KLHL2: variants seen among roughly 807,000 people sequenced by gnomAD.
KLHL2 encodes the protein kelch like family member 2.
In KLHL2, 15 loss-of-function variants were observed where a neutral mutation model predicts 75.8. The ratio of observed to expected loss-of-function variants is 0.20; its 90% CI spans 0.13 to 0.30. The LOEUF is 0.30. Among genes scored for constraint, KLHL2 ranks in the 10% least tolerant of loss-of-function variants. The pLI is 1.00. For synonymous variants in KLHL2, 214 were observed against 251.9 expected (o/e 0.85, Z 1.42); for missense variants, 381 against 741.0 (o/e 0.51, Z 5.64).
intron 7 of KLHL2, among the ~76,000 whole-genome samples, 186 bp downstream of exon 7, chr4:165,297,911 C>T (rs1745037769): frequency 6.6e-6 from 1 of 152,184 alleles, no homozygotes; most frequent in African/African-American, 2.4e-5. Flanking sequence ...GCAACCTCCA[C>T]CTCCCGGGCT....
At chr4:165,234,411 AT>A (rs200256276) in intron 3 of KLHL2, among the ~76,000 whole-genome samples, 27 of 151,840 alleles carry the variant, frequency 1.8e-4, no homozygotes, top group African/African-American at 5.1e-4. Flanking sequence ...TTACACTTTT[AT>A]TTTTTTTCAG....
At position 165,207,804 on chromosome 4, in the gene KLHL2, C is replaced by T. The variant is rs1300727244; in HGVS notation, c.-73C>T. 4 of 1,339,114 alleles carry T rather than the reference C, an allele frequency of 3.0e-6. No homozygotes were observed. Among genetic ancestry groups the T allele is most frequent in the Non-Finnish European group, 2.0e-6 (2 of 1,012,622 alleles). 83.0% of individuals were successfully genotyped at this position (1,339,114 alleles called of 1,614,324 possible). The stretch of plus-strand genomic sequence containing the variant: ...AACGCGGCTCGGCGGGCGGGCAGTG[C>T]CGGCGTCCGCGGCTGGAATGGTGCT... On this transcript the variant is annotated 5_prime_UTR_variant, in exon 1 of 15. Coordinates refer to ENST00000226725, the MANE Select transcript of KLHL2 (RefSeq NM_007246.4). This position sits in a 1 kb window ranked among gnomAD's most constrained non-coding sequence, Gnocchi z 4.2.
At chr4:165,239,228 A>G (rs1739606991) in intron 4 of KLHL2, among the ~76,000 whole-genome samples, 1 of 150,532 alleles carries the variant, frequency 6.6e-6, no homozygotes, top group Non-Finnish European at 1.5e-5. Flanking sequence ...TAGTCTACAA[A>G]GTATGTTTTT....
At chr4:165,307,890 T>A (rs1254555448) in intron 9 of KLHL2, among the ~76,000 whole-genome samples, 2 of 152,204 alleles carry the variant, frequency 1.3e-5, no homozygotes, top group African/African-American at 4.8e-5. Context: ...AGGTATAGAT[T>A]TTGGTTTTTA....
chr4:165,259,831 C>T (rs1741499453), intron 4 of KLHL2, among the ~76,000 whole-genome samples: 1 of 152,204 alleles, frequency 6.6e-6, no homozygotes, highest in African/African-American at 2.4e-5. Context: ...ATATCCCTAG[C>T]TTTCCATGAC....
intron 5 of KLHL2, among the ~76,000 whole-genome samples, chr4:165,284,348 G>A (rs746882420): frequency 4.6e-5 from 7 of 152,038 alleles, no homozygotes; most frequent in Non-Finnish European, 7.4e-5. Flanking sequence ...CCTCTTGAAT[G>A]CTTTGCTTAG....
At chr4:165,215,102 C>A (rs1266430086) in intron 1 of KLHL2, among the ~76,000 whole-genome samples, 2 of 152,056 alleles carry the variant, frequency 1.3e-5, no homozygotes, top group African/African-American at 4.8e-5. Context: ...GTTTCCATAC[C>A]TAATAAAAGT....
intron 5 of KLHL2, among the ~76,000 whole-genome samples, chr4:165,293,117 G>A (rs952645926): frequency 1.3e-5 from 2 of 152,160 alleles, no homozygotes; most frequent in African/African-American, 4.8e-5. Flanking sequence ...GTCTGAATCC[G>A]CAGCCCAAAC....
intron 5 of KLHL2, among the ~76,000 whole-genome samples, chr4:165,289,213 AAGGC>A (rs1744319256): frequency 6.6e-6 from 1 of 152,132 alleles, no homozygotes; most frequent in Non-Finnish European, 1.5e-5. Flanking sequence ...AAATAGAAGA[AAGGC>A]AGGCCCTAAA....
chr4:165,275,069 A>G (rs1742974775), intron 5 of KLHL2, among the ~76,000 whole-genome samples: 1 of 152,172 alleles, frequency 6.6e-6, no homozygotes. Context: ...GTTCTGGACT[A>G]TGGTCAGCCT....
chr4:165,277,748 A>AC (rs1743242856), intron 5 of KLHL2: 181 of 534,328 alleles, frequency 3.4e-4, no homozygotes, highest in Non-Finnish European at 3.9e-4. Flanking sequence ...GGATGTTAAA[A>AC]ACACACACAC....
chr4:165,269,240 A>G (rs527777096), intron 5 of KLHL2, among the ~76,000 whole-genome samples: 6 of 152,194 alleles, frequency 3.9e-5, no homozygotes, highest in African/African-American at 7.2e-5. Flanking sequence ...AATGCAGCAC[A>G]CTGATGGGTC....
At chr4:165,238,972 CAG>C in intron 4 of KLHL2, 73 bp downstream of exon 4, 1 of 1,531,350 alleles carries the variant, frequency 6.5e-7, no homozygotes, top group South Asian at 1.3e-5. Context: ...CACACCCACA[CAG>C]TATACAATTT....
At chr4:165,258,360 C>A (rs1741360507) in intron 4 of KLHL2, among the ~76,000 whole-genome samples, 2 of 138,272 alleles carry the variant, frequency 1.4e-5, no homozygotes, top group Admixed American at 7.4e-5. Flanking sequence ...TATAGAAATC[C>A]AAGGTACTGC....
At chr4:165,244,268 C>A (rs1740051396) in intron 4 of KLHL2, among the ~76,000 whole-genome samples, 1 of 152,172 alleles carries the variant, frequency 6.6e-6, no homozygotes, top group Non-Finnish European at 1.5e-5. Flanking sequence ...TCATTGAATT[C>A]ATTTACTTAA....
At chr4:165,303,494 G>C (rs866079518) in intron 8 of KLHL2, among the ~76,000 whole-genome samples, 60 of 113,192 alleles carry the variant, frequency 5.3e-4, no homozygotes, top group Non-Finnish European at 9.2e-4. Context: ...TTACAACCTT[G>C]CCCCCCCCGC....
At chr4:165,209,983 A>C (rs909834120) in intron 1 of KLHL2, 2 of 1,472,128 alleles carry the variant, frequency 1.4e-6, no homozygotes, top group Non-Finnish European at 1.8e-6. Flanking sequence ...TGAGACTTGC[A>C]GGCAGTGTCT....
intron 5 of KLHL2, among the ~76,000 whole-genome samples, chr4:165,292,260 T>C (rs951451369): frequency 2.0e-5 from 3 of 152,198 alleles, no homozygotes; most frequent in Non-Finnish European, 4.4e-5. Context: ...CAAAAAACTT[T>C]TGAGTTTCAA....
intron 4 of KLHL2, among the ~76,000 whole-genome samples, chr4:165,260,676 C>T (rs1054455038): frequency 9.9e-5 from 15 of 151,814 alleles, no homozygotes; most frequent in Non-Finnish European, 1.8e-4. Flanking sequence ...TTTCCTCTTT[C>T]GTTTGAATGA....
Sources: allele counts gnomAD v4.1 joint callset (sites outside exome capture counted in the v4.1 genomes callset), GRCh38; gene constraint gnomAD v4.1.1; non-coding constraint Gnocchi (gnomAD v3.1); transcripts MANE v1.5; gene names NCBI Gene and HGNC (gene_info 2026-07-23, HGNC 2026-07-21).